The following AGMO variants were observed in gnomAD, a reference collection of about 807,000 sequenced individuals.
AGMO encodes the protein glyceryl-ether monooxygenase.
Under a neutral mutation model 60.2 loss-of-function variants are expected in AGMO, and 75 were observed. The observed-to-expected ratio is 1.25, with a 90% CI of 1.03 to 1.51. The LOEUF (loss-of-function observed/expected upper bound fraction) is 1.51, where lower values mean the gene tolerates loss of function less well. Among genes scored for constraint, AGMO ranks in the 40% most tolerant of loss-of-function variants. The pLI, the probability that AGMO is intolerant of heterozygous loss-of-function variation, is 0.00. For missense variants in AGMO, 763 were observed against 525.5 expected, an observed-to-expected ratio of 1.45 and a Z score of -4.42; for synonymous variants, 261 against 177.1, an observed-to-expected ratio of 1.47 and a Z score of -3.76.
At chr7:15,184,061 T>C in the AGMO span, among the ~76,000 whole-genome samples, 1 of 152,182 alleles carries the variant, frequency 6.6e-6, no homozygotes, top group Non-Finnish European at 1.5e-5. Context: ...TAATTTAATC[T>C]CTTCATCTGC....
chr7:15,555,282 TATATATATATACACACAC>T (rs1785098436), intron 2 of AGMO, among the ~76,000 whole-genome samples: 1 of 99,366 alleles, frequency 1.0e-5, no homozygotes, highest in African/African-American at 7.0e-5. Flanking sequence ...TATATATATA[TATATATATATACACACAC>T]ACACACACAC....
chr7:15,263,394 T>C (rs1783335312), intron 12 of AGMO, among the ~76,000 whole-genome samples: 2 of 113,110 alleles, frequency 1.8e-5, no homozygotes, highest in African/African-American at 7.6e-5. Flanking sequence ...ACCTCACTCC[T>C]GCAAGAATGG....
the AGMO span, among the ~76,000 whole-genome samples, chr7:15,160,830 G>A: frequency 1.3e-5 from 2 of 152,088 alleles, no homozygotes; most frequent in Non-Finnish European, 2.9e-5. Context: ...AATGCACTCT[G>A]TGCTGCTATA....
chr7:15,187,573 T>G, the AGMO span, among the ~76,000 whole-genome samples: 1 of 152,164 alleles, frequency 6.6e-6, no homozygotes, highest in Non-Finnish European at 1.5e-5. Flanking sequence ...CAAACTTCAT[T>G]AGAGTTTTTC....
chr7:15,159,062 C>G, the AGMO span, among the ~76,000 whole-genome samples: 1 of 151,786 alleles, frequency 6.6e-6, no homozygotes, highest in African/African-American at 2.4e-5. Flanking sequence ...TATCAAGAAA[C>G]AAGATAATCA....
chr7:15,477,058 C>T (rs1486792423), intron 3 of AGMO, among the ~76,000 whole-genome samples: 4 of 152,014 alleles, frequency 2.6e-5, no homozygotes, highest in Non-Finnish European at 5.9e-5. Context: ...TGAATGGCAT[C>T]AGTTTGGGTA....
intron 3 of AGMO, among the ~76,000 whole-genome samples, chr7:15,453,458 G>A (rs1295248107): frequency 1.3e-5 from 2 of 152,146 alleles, no homozygotes; most frequent in East Asian, 1.9e-4. Flanking sequence ...ACAGAACACC[G>A]TACAAGTCAG....
chr7:15,325,214 C>T (rs1234936500), intron 12 of AGMO, among the ~76,000 whole-genome samples: 1 of 151,882 alleles, frequency 6.6e-6, no homozygotes, highest in East Asian at 1.9e-4. Context: ...ATTATATATC[C>T]AAATTAACTT....
At chr7:15,395,657 T>C (rs750247113) in intron 5 of AGMO, among the ~76,000 whole-genome samples, 5 of 152,218 alleles carry the variant, frequency 3.3e-5, no homozygotes, top group Non-Finnish European at 5.9e-5. Flanking sequence ...TCTTGAGTTT[T>C]GAAACAAAAT....
At chr7:15,226,798 T>C (rs755343655) in intron 12 of AGMO, among the ~76,000 whole-genome samples, 1 of 152,076 alleles carries the variant, frequency 6.6e-6, no homozygotes, top group Non-Finnish European at 1.5e-5. Flanking sequence ...AAATTACAGA[T>C]ATAACTCACT....
intron 12 of AGMO, among the ~76,000 whole-genome samples, chr7:15,236,453 G>A (rs1055628347): frequency 1.3e-5 from 2 of 152,106 alleles, no homozygotes; most frequent in Non-Finnish European, 2.9e-5. Context: ...TGCTAGGTAA[G>A]TGTGGCAAAG....
At chr7:15,323,954 C>G (rs1416589307) in intron 12 of AGMO, among the ~76,000 whole-genome samples, 2 of 152,180 alleles carry the variant, frequency 1.3e-5, no homozygotes, top group Non-Finnish European at 2.9e-5. Context: ...AAAACTCAAG[C>G]TTGCCGCAGA....
At chr7:15,511,910 G>A (rs1223533548) in intron 3 of AGMO, among the ~76,000 whole-genome samples, 1 of 151,218 alleles carries the variant, frequency 6.6e-6, no homozygotes, top group African/African-American at 2.4e-5. Flanking sequence ...AAGGAGAGAA[G>A]CCTCTTAAGG....
intron 12 of AGMO, among the ~76,000 whole-genome samples, chr7:15,270,467 GTTAA>G (rs1180404377): frequency 6.6e-6 from 1 of 151,644 alleles, no homozygotes; most frequent in African/African-American, 2.4e-5. Flanking sequence ...TTGAAACGAG[GTTAA>G]TTCTTTTTGT....
chr7:15,236,906 C>A (rs1782440678), intron 12 of AGMO, among the ~76,000 whole-genome samples: 1 of 151,606 alleles, frequency 6.6e-6, no homozygotes, highest in South Asian at 2.1e-4. Flanking sequence ...AAACGGCCAT[C>A]TAAGAAACTG....
At chr7:15,427,636 A>G (rs1270602499) in intron 4 of AGMO, among the ~76,000 whole-genome samples, 2 of 152,208 alleles carry the variant, frequency 1.3e-5, no homozygotes, top group Non-Finnish European at 2.9e-5. Context: ...TAATCCTGAT[A>G]CTGTAATATT....
chr7:15,182,878 G>A, the AGMO span, among the ~76,000 whole-genome samples: 1 of 152,110 alleles, frequency 6.6e-6, no homozygotes, highest in Non-Finnish European at 1.5e-5. Flanking sequence ...CAATCGTGGT[G>A]GAAGATGAAG....
intron 10 of AGMO, among the ~76,000 whole-genome samples, chr7:15,369,229 C>G (rs1221325256): frequency 6.6e-6 from 1 of 152,008 alleles, no homozygotes; most frequent in Admixed American, 6.6e-5. Flanking sequence ...ACTGGTCTTC[C>G]TACTTCTAAA....
intron 3 of AGMO, among the ~76,000 whole-genome samples, chr7:15,539,048 A>G (rs1291944186): frequency 6.6e-6 from 1 of 152,210 alleles, no homozygotes. Flanking sequence ...TTGTAGCCTC[A>G]GTATATAATC....
Sources: allele counts gnomAD v4.1 joint callset (sites outside exome capture counted in the v4.1 genomes callset), GRCh38; gene constraint gnomAD v4.1.1; transcripts MANE v1.5; gene names NCBI Gene and HGNC (gene_info 2026-07-23, HGNC 2026-07-21).